The following SEMA3C variants were observed in gnomAD, a reference collection of about 807,000 sequenced individuals.
SEMA3C encodes semaphorin-3C.
A neutral mutation model predicts 89.4 loss-of-function variants in SEMA3C; 47 were observed. That is an observed-to-expected ratio of 0.53 (90% confidence interval 0.42 to 0.67). The LOEUF is 0.67. SEMA3C is among the 30% of genes least tolerant of loss of function. The probability of loss-of-function intolerance (pLI) is 0.00; values close to 1 mark genes in which losing one functional copy is unlikely to be tolerated. For missense variants in SEMA3C, 839 were observed against 929.1 expected, an observed-to-expected ratio of 0.90 and a Z score of 1.26; for synonymous variants, 310 against 320.2, an observed-to-expected ratio of 0.97 and a Z score of 0.34.
intron 17 of SEMA3C, among the ~76,000 whole-genome samples, chr7:80,747,855 T>A (rs1255597692): frequency 6.6e-6 from 1 of 152,170 alleles, no homozygotes; most frequent in African/African-American, 2.4e-5. Context: ...TATGGTTTAA[T>A]ATTCCAGTAA....
At chr7:80,812,934 G>A (rs1398148251) in intron 5 of SEMA3C, among the ~76,000 whole-genome samples, 1 of 149,732 alleles carries the variant, frequency 6.7e-6, no homozygotes, top group East Asian at 2.0e-4. Context: ...CTACAGGGAA[G>A]CACCACCACG....
intron 2 of SEMA3C, among the ~76,000 whole-genome samples, chr7:80,841,305 T>C (rs1224352949): frequency 1.3e-5 from 2 of 152,152 alleles, no homozygotes; most frequent in African/African-American, 4.8e-5. Flanking sequence ...TCTTAAACTA[T>C]TGTGTGCCTG....
chr7:80,901,528 G>A (rs1020526744), intron 2 of SEMA3C, among the ~76,000 whole-genome samples: 5 of 152,106 alleles, frequency 3.3e-5, no homozygotes, highest in African/African-American at 7.2e-5. Context: ...AAAACTTACC[G>A]CCAAGTGCTA....
At chr7:80,770,507 T>A (rs1015716764) in intron 12 of SEMA3C, among the ~76,000 whole-genome samples, 6 of 152,270 alleles carry the variant, frequency 3.9e-5, no homozygotes, top group Non-Finnish European at 7.3e-5. Context: ...AACCTCACTT[T>A]GCTATTGTGT....
At chr7:80,892,872 G>A (rs1037245461) in intron 2 of SEMA3C, among the ~76,000 whole-genome samples, 14 of 152,116 alleles carry the variant, frequency 9.2e-5, no homozygotes, top group African/African-American at 3.1e-4. Context: ...ATCTTTTCTG[G>A]AAAACAAAAG....
chr7:80,865,990 T>G (rs1790918223), intron 2 of SEMA3C, among the ~76,000 whole-genome samples: 1 of 152,204 alleles, frequency 6.6e-6, no homozygotes, highest in South Asian at 2.1e-4. Flanking sequence ...TTTCTTCTTT[T>G]GTCTATCACT....
At position 80,758,469 on chromosome 7, in the gene SEMA3C, G is replaced by A; in HGVS notation, c.1505C>T (p.Ser502Phe). The A allele has an allele frequency of 6.2e-7, 1 of 1,613,822 alleles. No individual in the cohort carries two copies. The highest frequency in any genetic ancestry group is 8.5e-7 in the Non-Finnish European group (1 of 1,179,774). Residue 502 changes from serine (S) to phenylalanine (F), a missense_variant, in exon 15 of 18, where the codon TCC (serine) becomes TTC (phenylalanine). Transcript: ENST00000265361. ...AGATACCTGGGAAACCCCTTCATTG[G>A]AACTCACATACAACTGTTGCTATTA... ...SSKKQQLYVS[S>F]NEGVSQVSLH... is the part of the protein sequence containing the mutation.
chr7:80,790,357 GAGAGAAGA>G (rs915757624), intron 11 of SEMA3C, among the ~76,000 whole-genome samples: 2 of 151,932 alleles, frequency 1.3e-5, no homozygotes, highest in African/African-American at 4.8e-5. Flanking sequence ...AGAAGGGGAG[GAGAGAAGA>G]AGAGAAGAAG....
intron 2 of SEMA3C, among the ~76,000 whole-genome samples, chr7:80,845,202 T>C (rs116551475): frequency 1.4e-3 from 217 of 152,194 alleles, no homozygotes; most frequent in African/African-American, 5.0e-3. Flanking sequence ...CTGAAAACTA[T>C]TGTGAGGCTA....
intron 5 of SEMA3C, among the ~76,000 whole-genome samples, chr7:80,813,666 G>T (rs963101716): frequency 4.6e-5 from 7 of 152,080 alleles, no homozygotes; most frequent in African/African-American, 1.7e-4. Context: ...AGGCACCTTA[G>T]ATTTCCATTA....
intron 2 of SEMA3C, among the ~76,000 whole-genome samples, chr7:80,840,436 T>A (rs1790236039): frequency 6.7e-6 from 1 of 149,336 alleles, no homozygotes; most frequent in Admixed American, 6.8e-5. Context: ...GGAGGATCAC[T>A]TGAGCATGGG....
chr7:80,912,891 A>G (rs1584004975), intron 2 of SEMA3C, among the ~76,000 whole-genome samples: 1 of 152,290 alleles, frequency 6.6e-6, no homozygotes, highest in Non-Finnish European at 1.5e-5. Context: ...GAGGCAATTT[A>G]TTATTTTCAG....
intron 2 of SEMA3C, among the ~76,000 whole-genome samples, chr7:80,903,226 A>C (rs1279069868): frequency 1.3e-5 from 2 of 152,188 alleles, no homozygotes; most frequent in Non-Finnish European, 2.9e-5. Flanking sequence ...CACCTAGGCT[A>C]TATGCTATAG....
chr7:80,859,820 C>T (rs1790728469), intron 2 of SEMA3C, among the ~76,000 whole-genome samples: 1 of 152,084 alleles, frequency 6.6e-6, no homozygotes, highest in Non-Finnish European at 1.5e-5. Flanking sequence ...CTGGCTGGCA[C>T]AGAAAATGTT....
At chr7:80,861,644 A>G (rs1317265590) in intron 2 of SEMA3C, among the ~76,000 whole-genome samples, 1 of 152,222 alleles carries the variant, frequency 6.6e-6, no homozygotes, top group Non-Finnish European at 1.5e-5. Context: ...GAATGCAACT[A>G]TGATTTAAAT....
At chr7:80,830,038 T>C (rs187289808) in intron 2 of SEMA3C, among the ~76,000 whole-genome samples, 1 of 152,322 alleles carries the variant, frequency 6.6e-6, no homozygotes, top group East Asian at 1.9e-4. Context: ...TCATGGACTA[T>C]ATTCCATGAG....
intron 4 of SEMA3C, among the ~76,000 whole-genome samples, chr7:80,821,343 C>T (rs1178795864): frequency 1.3e-5 from 2 of 152,200 alleles, no homozygotes; most frequent in Non-Finnish European, 2.9e-5. Context: ...GATTTACAAA[C>T]ACATACGTCT....
intron 2 of SEMA3C, among the ~76,000 whole-genome samples, chr7:80,913,324 C>T (rs1792196415): frequency 2.0e-5 from 3 of 152,232 alleles, no homozygotes; most frequent in East Asian, 1.9e-4. Flanking sequence ...TTGCTTGAAC[C>T]CAGGAGGTGG....
At position 80,745,176 on chromosome 7, in the gene SEMA3C, G is replaced by A. The variant is rs1314043740; in HGVS notation, c.1974C>T (p.Asn658=). The A allele has an allele frequency of 6.2e-7, 1 of 1,614,034 alleles. No individual in the cohort carries two copies. Among genetic ancestry groups the A allele is most frequent in the Admixed American group, 1.7e-5 (1 of 59,952 alleles). ...NSFKQTIAKI[N]FKVLDSEMVA... ...CCATTTCTGAATCTAAAACTTTGAA[G>A]TTGATCTTGGCTATGGTCTGCTTGA... The change falls in exon 18 of 18, where the codon AAC becomes AAT. Residue 658 remains asparagine (N), a synonymous_variant. Transcript: ENST00000265361.
Sources: gnomAD v4.1 joint callset for allele counts (sites outside exome capture counted in the v4.1 genomes callset) on GRCh38, gnomAD v4.1.1 for gene constraint, MANE v1.5 for transcripts, NCBI Gene and HGNC (gene_info 2026-07-23, HGNC 2026-07-21) for gene names.